The following GLMN variants were observed in gnomAD, a reference collection of about 807,000 sequenced individuals.
GLMN encodes glomulin.
A neutral mutation model predicts 87.8 loss-of-function variants in GLMN; 75 were observed. The ratio of observed to expected loss-of-function variants is 0.85; its 90% CI spans 0.71 to 1.04. The LOEUF is 1.04. Ranked by LOEUF, GLMN falls within the 50% of genes least tolerant of loss-of-function variation. The pLI is 0.00. For missense variants in GLMN, 588 were observed against 658.8 expected (o/e 0.89, Z 1.18); for synonymous variants, 206 against 221.6 (o/e 0.93, Z 0.63).
chr1:92,317,672 C>T, the GLMN span, among the ~76,000 whole-genome samples: 1 of 151,998 alleles, frequency 6.6e-6, no homozygotes, highest in South Asian at 2.1e-4. Flanking sequence ...GAACTATATA[C>T]CTAAAAATGT....
intron 16 of GLMN, among the ~76,000 whole-genome samples, chr1:92,257,262 G>C (rs929118842): frequency 8.6e-5 from 13 of 151,794 alleles, no homozygotes; most frequent in African/African-American, 2.9e-4. Context: ...GGACACAAAT[G>C]GAAAAACATT....
At position 92,263,698 on chromosome 1, in the gene GLMN, T is replaced by C. The variant is rs766568795; in HGVS notation, c.1334A>G (p.Gln445Arg). ...TACCAAATCAAGAAGGGAAATCAAC[T>C]GTGGTCCTGTAAACCATTTGTTGTT... ...TRNNKWFTGP[Q>R]LISLLDLVLF... Residue 445 changes from glutamine to arginine, a missense_variant, in exon 15 of 19, where the codon CAG (glutamine) becomes CGG (arginine). By Grantham distance (43) the Gln-to-Arg change is conservative (BLOSUM62 1). Transcript: ENST00000370360. The C allele has an allele frequency of 6.3e-6, 10 of 1,599,980 alleles. No homozygotes were observed. The highest frequency in any genetic ancestry group is 8.6e-6 in the Non-Finnish European group (10 of 1,167,084).
At chr1:92,287,279 T>C (rs1472274029) in intron 6 of GLMN, among the ~76,000 whole-genome samples, 1 of 152,252 alleles carries the variant, frequency 6.6e-6, no homozygotes, top group Non-Finnish European at 1.5e-5. Context: ...TATTCTGTGA[T>C]TAAGCCTTTC....
chr1:92,267,297 C>T (rs1160611344), intron 11 of GLMN, among the ~76,000 whole-genome samples: 2 of 152,170 alleles, frequency 1.3e-5, no homozygotes, highest in Admixed American at 6.5e-5. Context: ...AAGATCCCTA[C>T]AGAAATAAAG....
At chr1:92,323,464 G>C in the GLMN span, 1 of 1,595,912 alleles carries the variant, frequency 6.3e-7, no homozygotes, top group South Asian at 1.1e-5. Context: ...TGGAGAAGAA[G>C]TACAGTTATG....
At chr1:92,310,400 A>G in the GLMN span, among the ~76,000 whole-genome samples, 1 of 152,154 alleles carries the variant, frequency 6.6e-6, no homozygotes, top group Non-Finnish European at 1.5e-5. Flanking sequence ...CAGAAATGTG[A>G]TATTTTAAAG....
intron 16 of GLMN, among the ~76,000 whole-genome samples, chr1:92,248,818 C>CA (rs1653033731): frequency 6.6e-6 from 1 of 152,080 alleles, no homozygotes; most frequent in Admixed American, 6.6e-5. Context: ...ATTAATGTCT[C>CA]ACACCTATCC....
At chr1:92,280,163 G>A (rs886137245) in intron 7 of GLMN, among the ~76,000 whole-genome samples, 4 of 152,324 alleles carry the variant, frequency 2.6e-5, no homozygotes, top group Middle Eastern at 3.4e-3. Context: ...CTCCTCAAGC[G>A]GGTCCCTGAC....
At chr1:92,345,101 A>G in the GLMN span, among the ~76,000 whole-genome samples, 1 of 151,916 alleles carries the variant, frequency 6.6e-6, no homozygotes, top group Non-Finnish European at 1.5e-5. Flanking sequence ...TATTAAGCCA[A>G]CTCTCATTTC....
At chr1:92,370,161 A>G in the GLMN span, among the ~76,000 whole-genome samples, 1 of 152,366 alleles carries the variant, frequency 6.6e-6, no homozygotes, top group South Asian at 2.1e-4. Flanking sequence ...CTGGGATTAC[A>G]GGCATGAGCC....
At chr1:92,339,497 C>G in the GLMN span, among the ~76,000 whole-genome samples, 385 of 152,154 alleles carry the variant, frequency 2.5e-3, 3 homozygotes, top group South Asian at 9.3e-3. Context: ...GGACAAATAC[C>G]TCACTGACCT....
At chr1:92,297,308 A>G (rs1280672279) in intron 3 of GLMN, 96 bp downstream of exon 3, 1 of 1,495,632 alleles carries the variant, frequency 6.7e-7, no homozygotes, top group Non-Finnish European at 9.3e-7. Flanking sequence ...ATTTAAGTAG[A>G]TTCTTAAATG....
At chr1:92,315,537 C>T in the GLMN span, among the ~76,000 whole-genome samples, 1 of 152,154 alleles carries the variant, frequency 6.6e-6, no homozygotes, top group Non-Finnish European at 1.5e-5. Context: ...TAAAGGAAAG[C>T]ACAGTTAAAC....
chr1:92,335,673 T>C, the GLMN span, among the ~76,000 whole-genome samples: 1 of 152,282 alleles, frequency 6.6e-6, no homozygotes, highest in African/African-American at 2.4e-5. Flanking sequence ...CATTTTTCAC[T>C]TCACATCTAT....
the GLMN span, among the ~76,000 whole-genome samples, chr1:92,364,209 A>G: frequency 6.6e-6 from 1 of 152,162 alleles, no homozygotes; most frequent in Non-Finnish European, 1.5e-5. Flanking sequence ...TCTTCCCCAT[A>G]TCTCCATACC....
the GLMN span, chr1:92,363,719 G>C: frequency 2.8e-6 from 1 of 362,082 alleles, no homozygotes; most frequent in Non-Finnish European, 5.5e-6. Flanking sequence ...CCTACTCAAT[G>C]TGAAGACAAG....
chr1:92,249,977 C>T (rs1050094993), intron 16 of GLMN, among the ~76,000 whole-genome samples: 1 of 152,052 alleles, frequency 6.6e-6, no homozygotes, highest in Non-Finnish European at 1.5e-5. Context: ...CTTTTCTTCA[C>T]CATTTATTCC....
intron 3 of GLMN, among the ~76,000 whole-genome samples, chr1:92,296,107 A>G (rs559619231): frequency 1.3e-5 from 2 of 152,320 alleles, no homozygotes; most frequent in South Asian, 2.1e-4. Flanking sequence ...TTATAATAAT[A>G]TATGATTAAA....
rs546478305 is a variant in GLMN at position 92,290,279 on chromosome 1, C to A, written c.313G>T (p.Gly105Cys). The A allele has an allele frequency of 6.2e-7, 1 of 1,601,960 alleles. No individual in the cohort carries two copies. The highest frequency in any genetic ancestry group is 1.3e-5 in the African/African-American group (1 of 74,736). Residue 105 changes from glycine to cysteine, a missense_variant, in exon 5 of 19, where the codon GGT becomes TGT. Transcript: ENST00000370360. Reference sequence around the variant, plus strand: ...GGCTCTTCAATCAGTTCAAGCAAACCCAACAATAATTCCTTTGGATTGCAT... The same window carrying A: ...GGCTCTTCAATCAGTTCAAGCAAACACAACAATAATTCCTTTGGATTGCAT... ...KLCNPKELLL[G>C]LLELIEEPSG... is the part of the protein sequence containing the mutation.
Sources: gnomAD v4.1 joint callset for allele counts (sites outside exome capture counted in the v4.1 genomes callset) on GRCh38, gnomAD v4.1.1 for gene constraint, MANE v1.5 for transcripts, NCBI Gene and HGNC (gene_info 2026-07-23, HGNC 2026-07-21) for gene names.